THUMPD2: variants seen among roughly 807,000 people sequenced by gnomAD.
The protein encoded by THUMPD2 is U6 snRNA (guanine-N(2))-methyltransferase THUMPD2.
A neutral mutation model predicts 49.4 loss-of-function variants in THUMPD2; 56 were observed. The observed-to-expected ratio is 1.13, with a 90% confidence interval of 0.91 to 1.41. The LOEUF (loss-of-function observed/expected upper bound fraction) is 1.41, where lower values mean the gene tolerates loss of function less well. Ranked by LOEUF, THUMPD2 falls within the 40% of genes most tolerant of loss-of-function variation. The pLI, the probability that THUMPD2 is intolerant of heterozygous loss-of-function variation, is 0.00. For missense variants in THUMPD2, 709 were observed against 594.5 expected, an observed-to-expected ratio of 1.19 and a Z score of -2.00; for synonymous variants, 237 against 205.2, an observed-to-expected ratio of 1.15 and a Z score of -1.32.
At chr2:39,753,218 T>A (rs1335828699) in intron 8 of THUMPD2, among the ~76,000 whole-genome samples, 2 of 152,180 alleles carry the variant, frequency 1.3e-5, no homozygotes, top group Non-Finnish European at 2.9e-5. Context: ...TGTTTTCAAG[T>A]TACCTCCTCC....
rs1467662607 is a variant in THUMPD2, at chr2:39,770,077, G to A, written c.305C>T (p.Pro102Leu). ...NEMQRLINED[P>L]GSWLNAISIW... The stretch of plus-strand genomic sequence containing the variant: ...TGAAATGGCATTCAACCAACTTCCT[G>A]GATCTTCATTTATAAGTCTTTGCAT... The change falls in exon 3 of 10, where the codon CCA becomes CTA. Residue 102 changes from proline (P) to leucine (L), a missense_variant. Physicochemically the swap from Pro to Leu is moderately conservative, Grantham distance 98. Coordinates refer to ENST00000505747, the MANE Select transcript of THUMPD2 (RefSeq NM_025264.5). 1 of 1,542,690 alleles carries A rather than the reference G, an allele frequency of 6.5e-7. No individual in the cohort carries two copies. Among genetic ancestry groups the A allele is most frequent in the Admixed American group, 2.4e-5 (1 of 41,330 alleles).
rs1378283392 is a variant in THUMPD2, at chr2:39,773,584, AT to A, written c.127-1945del. On this transcript the variant is annotated intron_variant, in intron 1 of 9. Coordinates refer to ENST00000505747, the MANE Select transcript of THUMPD2 (RefSeq NM_025264.5). ...ATATATATATATTTATATTTTAAAA[AT>A]ATATATATATTTATATTTTAAAAAT... is the stretch of plus-strand genomic sequence containing the variant. 1.9e-3 allele frequency among the ~76,000 whole-genome samples: 252 copies of A among 135,860 alleles called. 1 individual carries two copies. Among genetic ancestry groups the A allele is most frequent in the African/African-American group, 7.3e-3 (239 of 32,796 alleles). The allele number at this position is 135,860 out of a possible 152,430, so 89.1% of individuals were successfully genotyped here. A position where few individuals can be genotyped will look rare whatever the true frequency, so the allele number is the denominator to read the frequency against.
At chr2:39,767,431 C>T (rs1204574586) in intron 4 of THUMPD2, among the ~76,000 whole-genome samples, 3 of 150,346 alleles carry the variant, frequency 2.0e-5, no homozygotes, top group Non-Finnish European at 4.4e-5. Context: ...GGTGAAACCC[C>T]GTCTCTACTA....
At chr2:39,761,890 A>G (rs1278591513) in intron 5 of THUMPD2, among the ~76,000 whole-genome samples, 2 of 152,144 alleles carry the variant, frequency 1.3e-5, no homozygotes, top group Non-Finnish European at 2.9e-5. Flanking sequence ...GGTTATTTGC[A>G]TCTTTCCCAA....
chr2:39,751,763 C>A (rs978290715), intron 8 of THUMPD2, among the ~76,000 whole-genome samples: 2 of 143,948 alleles, frequency 1.4e-5, no homozygotes, highest in African/African-American at 2.6e-5. Flanking sequence ...AGGGTCACTG[C>A]AACCTTCACC....
At chr2:39,754,109 A>G (rs929829441) in intron 8 of THUMPD2, among the ~76,000 whole-genome samples, 1 of 152,184 alleles carries the variant, frequency 6.6e-6, no homozygotes, top group African/African-American at 2.4e-5. Context: ...CATGCCTACA[A>G]GGTGCTTTGG....
At position 39,736,447 on chromosome 2, in the gene THUMPD2, A is replaced by G. The variant is rs1673088979; in HGVS notation, c.*288T>C. 3.8e-6 allele frequency: 1 copy of G among 264,440 alleles called. No homozygotes were observed. Among genetic ancestry groups the G allele is most frequent in the Admixed American group, 4.9e-5 (1 of 20,506 alleles). The allele number at this position is 264,440 out of a possible 1,614,324, so 16.4% of individuals were successfully genotyped here. Reference sequence around the variant, plus strand: ...GAACCCCTGAAAACCTTTATTTTGAAATTGAAGTTTTTGCTCAGAAACTGG... The same window carrying G: ...GAACCCCTGAAAACCTTTATTTTGAGATTGAAGTTTTTGCTCAGAAACTGG... On this transcript the variant is annotated 3_prime_UTR_variant, in exon 10 of 10. Coordinates refer to ENST00000505747, the MANE Select transcript of THUMPD2 (RefSeq NM_025264.5).
At chr2:39,742,126 T>G (rs1248093883) in intron 9 of THUMPD2, among the ~76,000 whole-genome samples, 1 of 152,124 alleles carries the variant, frequency 6.6e-6, no homozygotes, top group Non-Finnish European at 1.5e-5. Flanking sequence ...ACTCAGGTAG[T>G]CTGTCTCCAA....
At chr2:39,769,250 C>A in intron 3 of THUMPD2, 1 of 342,950 alleles carries the variant, frequency 2.9e-6, no homozygotes, top group Non-Finnish European at 5.7e-6. Context: ...CTTGGAATGG[C>A]ATACCATTCC....
chr2:39,764,724 C>G (rs1677281317), intron 5 of THUMPD2, among the ~76,000 whole-genome samples: 1 of 152,280 alleles, frequency 6.6e-6, no homozygotes, highest in South Asian at 2.1e-4. Context: ...GTCTTCATGT[C>G]TCCCTTTTCA....
chr2:39,778,968 C>T, intron 1 of THUMPD2, 146 bp downstream of exon 1: 1 of 1,082,098 alleles, frequency 9.2e-7, no homozygotes, highest in Non-Finnish European at 1.2e-6. Flanking sequence ...AGCGGAAGCG[C>T]CTGCCAGTCA....
chr2:39,752,722 A>C (rs1675574326), intron 8 of THUMPD2, among the ~76,000 whole-genome samples: 1 of 152,248 alleles, frequency 6.6e-6, no homozygotes, highest in Non-Finnish European at 1.5e-5. Flanking sequence ...AATCATTTAC[A>C]AATGATATAA....
intron 7 of THUMPD2, 55 bp from the exon 8 acceptor site, chr2:39,755,464 G>C: frequency 8.3e-7 from 1 of 1,208,008 alleles, no homozygotes; most frequent in Non-Finnish European, 1.1e-6. Flanking sequence ...ATTTCATGTA[G>C]TTAAGAAAAT....
At chr2:39,771,013 GCCCCC>G (rs1293652581) in intron 2 of THUMPD2, among the ~76,000 whole-genome samples, 1 of 55,538 alleles carries the variant, frequency 1.8e-5, no homozygotes, top group African/African-American at 3.9e-5. Flanking sequence ...AATCTCTTAT[GCCCCC>G]TTTACCTCTA....
Position 39,737,583 on chromosome 2 carries a change from C to A in THUMPD2, c.1188-524G>T, listed in dbSNP as rs952819240. ...CTTGCCTGTGTCCCGTGACATAGCCCTGTAAGTTGCCAAGAGATCACTGAA... is the reference window on the plus strand; with the variant it reads ...CTTGCCTGTGTCCCGTGACATAGCCATGTAAGTTGCCAAGAGATCACTGAA... On this transcript the variant is annotated intron_variant, in intron 9 of 9. Coordinates refer to ENST00000505747, the MANE Select transcript of THUMPD2 (RefSeq NM_025264.5). Among the ~76,000 whole-genome samples the A allele has an allele frequency of 2.6e-5, 4 of 152,170 alleles. No homozygotes were observed. The East Asian group carries it at 7.7e-4, about 29-fold the overall frequency.
At chr2:39,761,952 T>C (rs1445607253) in intron 5 of THUMPD2, among the ~76,000 whole-genome samples, 1 of 152,170 alleles carries the variant, frequency 6.6e-6, no homozygotes, top group Non-Finnish European at 1.5e-5. Flanking sequence ...TACTGGATGA[T>C]GGGCCAAAGC....
At chr2:39,765,070 TATA>T (rs1483093576) in intron 5 of THUMPD2, among the ~76,000 whole-genome samples, 2 of 152,214 alleles carry the variant, frequency 1.3e-5, no homozygotes, top group Admixed American at 1.3e-4. Context: ...CATTTTTATA[TATA>T]ATAATTTAAA....
At chr2:39,764,822 G>C (rs1278617157) in intron 5 of THUMPD2, among the ~76,000 whole-genome samples, 1 of 151,594 alleles carries the variant, frequency 6.6e-6, no homozygotes, top group Non-Finnish European at 1.5e-5. Flanking sequence ...ACTAAACACA[G>C]AGCATCTGTT....
intron 3 of THUMPD2, chr2:39,768,972 G>T (rs1558532999): frequency 6.9e-6 from 9 of 1,304,476 alleles, no homozygotes; most frequent in African/African-American, 1.5e-5. Context: ...ACTGAACTTT[G>T]TAAGGGCCAA....
Sources: gnomAD v4.1 joint callset for allele counts (sites outside exome capture counted in the v4.1 genomes callset) on GRCh38, gnomAD v4.1.1 for gene constraint, MANE v1.5 for transcripts, NCBI Gene and HGNC (gene_info 2026-07-23, HGNC 2026-07-21) for gene names.